CTNNA3: variants seen among roughly 807,000 people sequenced by gnomAD.
The protein encoded by CTNNA3 is catenin alpha-3.
A neutral mutation model predicts 95.7 loss-of-function variants in CTNNA3; 76 were observed. The ratio of observed to expected loss-of-function variants is 0.79; its 90% confidence interval spans 0.66 to 0.96. The LOEUF (loss-of-function observed/expected upper bound fraction) is 0.96, where lower values mean the gene tolerates loss of function less well. CTNNA3 is among the 40% of genes least tolerant of loss of function. The pLI, the probability that CTNNA3 is intolerant of heterozygous loss-of-function variation, is 0.00. For missense variants in CTNNA3, 1,191 were observed against 1,089.8 expected, an observed-to-expected ratio of 1.09 and a Z score of -1.31; for synonymous variants, 431 against 374.4, an observed-to-expected ratio of 1.15 and a Z score of -1.74.
chr10:67,334,541 G>T (rs1255529974), intron 5 of CTNNA3: 1 of 152,558 alleles, frequency 6.6e-6, no homozygotes, highest in Non-Finnish European at 1.5e-5. Context: ...AAACAAGAAG[G>T]CTCAGATGGT....
At chr10:67,263,365 G>A (rs1014779435) in intron 5 of CTNNA3, among the ~76,000 whole-genome samples, 11 of 152,090 alleles carry the variant, frequency 7.2e-5, no homozygotes, top group African/African-American at 2.4e-4. Flanking sequence ...TCTTTGCCCC[G>A]TTCTGAGAGA....
intron 7 of CTNNA3, among the ~76,000 whole-genome samples, chr10:67,041,645 T>A (rs1308314064): frequency 1.3e-5 from 2 of 152,110 alleles, no homozygotes; most frequent in Non-Finnish European, 2.9e-5. Flanking sequence ...ACCTCATACC[T>A]CTAAAGCATT....
chr10:67,425,516 T>C (rs1845893105), intron 5 of CTNNA3, among the ~76,000 whole-genome samples: 2 of 152,118 alleles, frequency 1.3e-5, no homozygotes, highest in African/African-American at 4.8e-5. Flanking sequence ...TCTCTTCATC[T>C]GTTTTTTGAA....
At chr10:67,171,659 G>A (rs1019486778) in intron 7 of CTNNA3, among the ~76,000 whole-genome samples, 10 of 152,062 alleles carry the variant, frequency 6.6e-5, no homozygotes, top group African/African-American at 2.2e-4. Flanking sequence ...GGCTGTAGTG[G>A]GAGGATGACT....
At chr10:66,167,336 A>C (rs1488087043) in intron 13 of CTNNA3, among the ~76,000 whole-genome samples, 1 of 152,198 alleles carries the variant, frequency 6.6e-6, no homozygotes, top group Admixed American at 6.5e-5. Flanking sequence ...GAATTGAAGC[A>C]GTTAGAAAAA....
At chr10:66,217,890 A>G (rs557961567) in intron 13 of CTNNA3, among the ~76,000 whole-genome samples, 16 of 151,644 alleles carry the variant, frequency 1.1e-4, no homozygotes, top group Admixed American at 8.6e-4. Context: ...AGACTGAAAA[A>G]CCAGACTGCG....
chr10:66,820,361 G>T (rs1371354501), intron 7 of CTNNA3, among the ~76,000 whole-genome samples: 1 of 151,878 alleles, frequency 6.6e-6, no homozygotes, highest in African/African-American at 2.4e-5. Context: ...ACGATTAAAG[G>T]GTTTTTTTTT....
intron 17 of CTNNA3, among the ~76,000 whole-genome samples, chr10:65,935,341 A>G (rs1451598080): frequency 6.6e-6 from 1 of 152,070 alleles, no homozygotes; most frequent in Non-Finnish European, 1.5e-5. Context: ...ATTTGCACTA[A>G]CTTGGTTTTT....
chr10:66,051,083 C>T (rs774281844), intron 15 of CTNNA3, among the ~76,000 whole-genome samples: 1 of 151,962 alleles, frequency 6.6e-6, no homozygotes, highest in Non-Finnish European at 1.5e-5. Context: ...TCTTTGTTGC[C>T]CAGACTGGTC....
At chr10:66,312,310 C>G (rs967319383) in intron 12 of CTNNA3, among the ~76,000 whole-genome samples, 1 of 152,078 alleles carries the variant, frequency 6.6e-6, no homozygotes. Context: ...TGTAGTTAGG[C>G]CTTGGGTAGC....
At chr10:67,348,618 G>C (rs1317034998) in intron 5 of CTNNA3, among the ~76,000 whole-genome samples, 2 of 151,996 alleles carry the variant, frequency 1.3e-5, no homozygotes, top group Admixed American at 1.3e-4. Context: ...AGAGGGAGGA[G>C]GTGCCCGGCA....
intron 5 of CTNNA3, among the ~76,000 whole-genome samples, chr10:67,473,140 G>A (rs1233349675): frequency 6.6e-6 from 1 of 152,162 alleles, no homozygotes; most frequent in Non-Finnish European, 1.5e-5. Context: ...AATATATGAA[G>A]TGAAGACTAT....
At chr10:65,994,469 A>G (rs2078609375) in intron 15 of CTNNA3, among the ~76,000 whole-genome samples, 1 of 151,306 alleles carries the variant, frequency 6.6e-6, no homozygotes, top group South Asian at 2.1e-4. Flanking sequence ...CTCTGAATGT[A>G]TCATCTCATT....
At chr10:67,073,175 G>C (rs548846251) in intron 7 of CTNNA3, among the ~76,000 whole-genome samples, 55 of 152,220 alleles carry the variant, frequency 3.6e-4, no homozygotes, top group African/African-American at 1.3e-3. Context: ...CACAGCTCTA[G>C]GAACTATATC....
chr10:65,994,915 T>G lies in CTNNA3; in HGVS notation c.2160-6118A>C, dbSNP rs143019034. Among the ~76,000 whole-genome samples, 573 of 152,248 alleles carry G rather than the reference T, an allele frequency of 3.8e-3. 4 individuals carry two copies. Among genetic ancestry groups the G allele is most frequent in the African/African-American group, 0.013 (533 of 41,564 alleles). On this transcript the variant is annotated intron_variant, in intron 15 of 17. Transcript: ENST00000433211. ...TCCTTTATTCCTGCTATAAAATTAT[T>G]TCTTGTGCATAATAAAATCTGTTGT...
intron 9 of CTNNA3, among the ~76,000 whole-genome samples, chr10:66,708,208 T>A (rs1213933543): frequency 6.6e-6 from 1 of 151,364 alleles, no homozygotes; most frequent in East Asian, 2.0e-4. Context: ...AGAGCTTTTT[T>A]GGCTTGCCAA....
Position 65,977,573 on chromosome 10 carries a change from G to A in CTNNA3, c.2266-10827C>T, listed in dbSNP as rs551481640. ...AGGCAGGCAGATGACCTGAGGTCAG[G>A]AGTTCGAGACCAGCCTGGTCAACAT... On this transcript the variant is annotated intron_variant, in intron 16 of 17. Coordinates refer to ENST00000433211, the MANE Select transcript of CTNNA3 (RefSeq NM_013266.4). Among the ~76,000 whole-genome samples, 23 of 152,132 alleles carry A rather than the reference G, an allele frequency of 1.5e-4. No homozygotes were observed. The South Asian group carries it at 2.3e-3, about 15-fold the overall frequency.
At chr10:67,397,452 G>T (rs1471272867) in intron 5 of CTNNA3, among the ~76,000 whole-genome samples, 1 of 152,194 alleles carries the variant, frequency 6.6e-6, no homozygotes, top group Non-Finnish European at 1.5e-5. Flanking sequence ...ACTTGAGAGA[G>T]ATAATTTAGG....
chr10:66,687,730 C>T (rs200718707), intron 9 of CTNNA3, among the ~76,000 whole-genome samples: 2 of 100,188 alleles, frequency 2.0e-5, no homozygotes, highest in Non-Finnish European at 3.9e-5. Context: ...CACACACACA[C>T]ACATACACAC....
Sources: gnomAD v4.1 joint callset for allele counts (sites outside exome capture counted in the v4.1 genomes callset) on GRCh38, gnomAD v4.1.1 for gene constraint, MANE v1.5 for transcripts, NCBI Gene and HGNC (gene_info 2026-07-23, HGNC 2026-07-21) for gene names.